SCHIP1: variants seen among roughly 807,000 people sequenced by gnomAD.
SCHIP1 encodes schwannomin-interacting protein 1.
In SCHIP1, 8 loss-of-function variants were observed where a neutral mutation model predicts 29.7. The observed-to-expected ratio is 0.27, with a 90% CI of 0.16 to 0.49. The LOEUF is 0.49. Ranked by LOEUF, SCHIP1 falls within the 20% of genes least tolerant of loss-of-function variation. The probability of loss-of-function intolerance (pLI) is 0.99; values close to 1 mark genes in which losing one functional copy is unlikely to be tolerated. For synonymous variants in SCHIP1, 76 were observed against 94.9 expected (o/e 0.80, Z 1.16); for missense variants, 193 against 294.6 (o/e 0.66, Z 2.52).
At chr3:159,875,072 C>T (rs1715667351) in intron 2 of SCHIP1, among the ~76,000 whole-genome samples, 1 of 148,626 alleles carries the variant, frequency 6.7e-6, no homozygotes, top group South Asian at 2.1e-4. Flanking sequence ...CTAAGGATTG[C>T]TTCCAGTATT....
the SCHIP1 span, among the ~76,000 whole-genome samples, chr3:159,407,110 T>TA: frequency 1.3e-5 from 2 of 152,106 alleles, no homozygotes; most frequent in Non-Finnish European, 2.9e-5. Context: ...AATGGATTTT[T>TA]AAAAAAGCAA....
the SCHIP1 span, among the ~76,000 whole-genome samples, chr3:159,674,735 A>C: frequency 1.3e-5 from 2 of 152,172 alleles, no homozygotes; most frequent in African/African-American, 4.8e-5. Context: ...CCTAGAAAAA[A>C]ATGCAATCCC....
chr3:159,578,751 GTC>G, the SCHIP1 span, among the ~76,000 whole-genome samples: 3,549 of 146,918 alleles, frequency 0.024, 126 homozygotes, highest in East Asian at 0.18. Context: ...GTGTCTGTCT[GTC>G]TCTCTCTCTC....
the SCHIP1 span, among the ~76,000 whole-genome samples, chr3:159,718,688 C>T: frequency 6.6e-6 from 1 of 152,080 alleles, no homozygotes; most frequent in African/African-American, 2.4e-5. Flanking sequence ...ATGTGAAGGA[C>T]CTCTTCAAGG....
At chr3:159,572,442 A>C in the SCHIP1 span, among the ~76,000 whole-genome samples, 1 of 152,100 alleles carries the variant, frequency 6.6e-6, no homozygotes, top group South Asian at 2.1e-4. Flanking sequence ...TGAGTTTCTT[A>C]ATCCTGAGTT....
At chr3:159,713,269 A>G in the SCHIP1 span, among the ~76,000 whole-genome samples, 1 of 151,206 alleles carries the variant, frequency 6.6e-6, no homozygotes, top group African/African-American at 2.4e-5. Flanking sequence ...AGAAAGAAAG[A>G]AAGAAAGAAA....
chr3:159,435,795 T>C, the SCHIP1 span, among the ~76,000 whole-genome samples: 1 of 152,132 alleles, frequency 6.6e-6, no homozygotes, highest in Non-Finnish European at 1.5e-5. Flanking sequence ...ATGCTCCTCA[T>C]GCAAAGCAGG....
the SCHIP1 span, among the ~76,000 whole-genome samples, chr3:159,373,692 G>T: frequency 1.3e-5 from 2 of 151,966 alleles, no homozygotes; most frequent in Non-Finnish European, 2.9e-5. Flanking sequence ...ATTTCACTTA[G>T]CAGAATGTTC....
At chr3:159,475,928 C>T in the SCHIP1 span, among the ~76,000 whole-genome samples, 2 of 152,124 alleles carry the variant, frequency 1.3e-5, no homozygotes, top group Non-Finnish European at 2.9e-5. Flanking sequence ...GGGTAAGTAA[C>T]CCTCAGTTTA....
chr3:159,439,642 G>A, the SCHIP1 span, among the ~76,000 whole-genome samples: 1 of 152,098 alleles, frequency 6.6e-6, no homozygotes, highest in East Asian at 1.9e-4. Context: ...CAGTGATGTC[G>A]AACTTTTTAT....
chr3:159,460,963 A>G, the SCHIP1 span, among the ~76,000 whole-genome samples: 3 of 152,138 alleles, frequency 2.0e-5, no homozygotes, highest in African/African-American at 7.2e-5. Flanking sequence ...CTTCGTGTTA[A>G]TCATACAAAT....
the SCHIP1 span, among the ~76,000 whole-genome samples, chr3:159,808,249 G>T: frequency 6.6e-6 from 1 of 152,178 alleles, no homozygotes; most frequent in African/African-American, 2.4e-5. Flanking sequence ...TTCTATCTGT[G>T]TTTACATTGA....
the SCHIP1 span, among the ~76,000 whole-genome samples, chr3:159,803,424 C>A: frequency 1.1e-3 from 167 of 152,210 alleles, no homozygotes; most frequent in African/African-American, 3.9e-3. Context: ...TAACTCTGAG[C>A]ACCTGTTTTT....
At chr3:159,490,255 AGTTACTTTGAAAT>A in the SCHIP1 span, among the ~76,000 whole-genome samples, 1 of 152,150 alleles carries the variant, frequency 6.6e-6, no homozygotes, top group African/African-American at 2.4e-5. Flanking sequence ...GTCCTCTCTT[AGTTACTTTGAAAT>A]GTTCAAGGCA....
the SCHIP1 span, among the ~76,000 whole-genome samples, chr3:159,710,035 C>G: frequency 6.6e-6 from 1 of 152,106 alleles, no homozygotes; most frequent in Admixed American, 6.5e-5. Context: ...TATGGAGATT[C>G]CTCCAAAAAC....
the SCHIP1 span, among the ~76,000 whole-genome samples, chr3:159,665,029 G>A: frequency 3.3e-5 from 5 of 152,314 alleles, no homozygotes; most frequent in African/African-American, 9.6e-5. Context: ...CGAGCTGAAA[G>A]ATTTCTCCTG....
chr3:159,556,962 A>AC, the SCHIP1 span, among the ~76,000 whole-genome samples: 1 of 146,192 alleles, frequency 6.8e-6, no homozygotes, highest in East Asian at 2.0e-4. Context: ...AAAAAAAAAG[A>AC]TTTTTTTTTT....
the SCHIP1 span, among the ~76,000 whole-genome samples, chr3:159,650,944 T>C: frequency 6.6e-6 from 1 of 152,216 alleles, no homozygotes; most frequent in Non-Finnish European, 1.5e-5. Context: ...TTGAATGTTG[T>C]GTCTGCTACA....
chr3:159,324,229 G>C, the SCHIP1 span, among the ~76,000 whole-genome samples: 1 of 140,780 alleles, frequency 7.1e-6, no homozygotes, highest in Admixed American at 7.3e-5. Flanking sequence ...ATTTAATATG[G>C]TATATACTTA....
Sources: allele counts gnomAD v4.1 joint callset (sites outside exome capture counted in the v4.1 genomes callset), GRCh38; gene constraint gnomAD v4.1.1; transcripts MANE v1.5; gene names NCBI Gene and HGNC (gene_info 2026-07-23, HGNC 2026-07-21).